NVL: variants seen among roughly 807,000 people sequenced by gnomAD.
The protein encoded by NVL is nuclear valosin-containing protein-like.
In NVL, 84 loss-of-function variants were observed where a neutral mutation model predicts 110.2. The observed-to-expected ratio is 0.76, with a 90% CI of 0.64 to 0.91. NVL has a LOEUF of 0.91. NVL is among the 40% of genes least tolerant of loss of function. The probability of loss-of-function intolerance (pLI) is 0.00; values close to 1 mark genes in which losing one functional copy is unlikely to be tolerated. For synonymous variants in NVL, 354 were observed against 361.1 expected (o/e 0.98, Z 0.22); for missense variants, 882 against 1,035.9 (o/e 0.85, Z 2.04).
intron 2 of NVL, among the ~76,000 whole-genome samples, chr1:224,318,680 C>T (rs1397952859): frequency 6.6e-6 from 1 of 151,350 alleles, no homozygotes; most frequent in African/African-American, 2.4e-5. Context: ...CAGCATGTAT[C>T]TCTTTAAAAA....
In NVL at chr1:224,303,732, T is replaced by C. The variant is rs564467949; in HGVS notation, c.951A>G (p.Ala317=). Residue 317 remains alanine, a synonymous_variant, in exon 9 of 23, where the codon GCA becomes GCG. Coordinates refer to ENST00000281701, the MANE Select transcript of NVL (RefSeq NM_002533.4). ...TGTCAGCAAGCCTCACCCCAGCAAT[T>C]GCATGTGCAAGTAATGTCTTCCCAC... is the stretch of plus-strand genomic sequence containing the variant. ...PGCGKTLLAH[A]IAGELDLPIL... The C allele has an allele frequency of 1.1e-5, 18 of 1,611,910 alleles. 1 individual carries two copies. The South Asian group carries it at 1.3e-4, about 12-fold the overall frequency.
At position 224,294,323 on chromosome 1, in the gene NVL, C is replaced by T. The variant is rs147300158; in HGVS notation, c.1269G>A (p.Ala423=). 1.1e-4 allele frequency: 176 copies of T among 1,614,072 alleles called. 1 individual carries two copies. Among genetic ancestry groups the T allele is most frequent in the Middle Eastern group, 1.6e-4 (1 of 6,062 alleles). The part of the protein sequence containing the change: ...PDSLDPALRR[A]GRFDREICLG... ...GGCATATTTCTCGGTCGAACCTTCC[C>T]GCACGTCTCAAAGCAGGGTCTAACG... The change falls in exon 12 of 23, where the codon GCG becomes GCA. Residue 423 remains alanine, a synonymous_variant. Coordinates refer to ENST00000281701, the MANE Select transcript of NVL (RefSeq NM_002533.4).
chr1:224,266,079 T>A (rs1377200205), intron 18 of NVL, among the ~76,000 whole-genome samples: 1 of 152,222 alleles, frequency 6.6e-6, no homozygotes, highest in Non-Finnish European at 1.5e-5. Context: ...GCATTTTCTG[T>A]CTCACCACTA....
intron 4 of NVL, 91 bp downstream of exon 4, chr1:224,317,603 T>C (rs1670217999): frequency 7.9e-6 from 6 of 755,514 alleles, no homozygotes; most frequent in Non-Finnish European, 1.4e-5. Context: ...AGGGCTTTGT[T>C]GGCAATGAAG....
intron 14 of NVL, 32 bp downstream of exon 14, chr1:224,287,743 T>C (rs1310691814): frequency 5.7e-6 from 9 of 1,574,586 alleles, no homozygotes; most frequent in East Asian, 2.2e-5. Context: ...ATCCATGACA[T>C]GCCAATAATA....
intron 20 of NVL, among the ~76,000 whole-genome samples, chr1:224,233,707 C>G (rs1660156784): frequency 6.6e-6 from 1 of 151,926 alleles, no homozygotes; most frequent in Non-Finnish European, 1.5e-5. Context: ...TGCAATGAGC[C>G]AAGATCGCAC....
chr1:224,246,863 C>T (rs1010201641), intron 19 of NVL, among the ~76,000 whole-genome samples: 1 of 151,820 alleles, frequency 6.6e-6, no homozygotes, highest in Non-Finnish European at 1.5e-5. Context: ...TGGTAAAACC[C>T]CGTCTCTACT....
At chr1:224,231,201 C>T (rs764732801) in intron 22 of NVL, 25 bp downstream of exon 22, 2 of 1,520,734 alleles carry the variant, frequency 1.3e-6, no homozygotes, top group Non-Finnish European at 1.8e-6. Context: ...TTTCCTTTCT[C>T]TATGCATTTA....
In NVL at chr1:224,301,277, G is replaced by GT. The variant is rs970634039; in HGVS notation, c.961-615dup. Among the ~76,000 whole-genome samples the GT allele has an allele frequency of 2.6e-5, 4 of 151,730 alleles. No individual in the cohort carries two copies. The East Asian group carries it at 5.8e-4, about 22-fold the overall frequency. ...TAGGGCTGAGCCAAAGCAATTCTTCGTTTTTTTTGGAGAGACTGTGTCTCA... is the reference window on the plus strand; with the variant it reads ...TAGGGCTGAGCCAAAGCAATTCTTCGTTTTTTTTTGGAGAGACTGTGTCTCA... On this transcript the variant is annotated intron_variant, in intron 9 of 22. Coordinates refer to ENST00000281701, the MANE Select transcript of NVL (RefSeq NM_002533.4).
At position 224,275,328 on chromosome 1, in the gene NVL, A is replaced by C; in HGVS notation, c.2082+11T>G. On this transcript the variant is annotated intron_variant, in intron 17 of 22. Transcript: ENST00000281701. ...AAAAGAATCTGAAAACCACTAGTCC[A>C]TGATACTTACCTCTCGGTCTGATCT... 1 of 1,614,176 alleles carries C rather than the reference A, an allele frequency of 6.2e-7. No individual in the cohort carries two copies. Among genetic ancestry groups the C allele is most frequent in the Non-Finnish European group, 8.5e-7 (1 of 1,180,014 alleles).
chr1:224,262,963 G>A (rs1352433443), intron 18 of NVL, among the ~76,000 whole-genome samples: 1 of 152,188 alleles, frequency 6.6e-6, no homozygotes, highest in African/African-American at 2.4e-5. Context: ...GATGGTGGGA[G>A]TGGAGGGTAT....
intron 10 of NVL, 22 bp downstream of exon 10, chr1:224,300,540 C>A: frequency 1.3e-6 from 2 of 1,558,108 alleles, no homozygotes; most frequent in Non-Finnish European, 1.8e-6. Context: ...GACCACCTGG[C>A]ATTAGTCATT....
chr1:224,266,339 G>A (rs1199408271), intron 18 of NVL, among the ~76,000 whole-genome samples: 7 of 152,120 alleles, frequency 4.6e-5, no homozygotes, highest in Non-Finnish European at 7.3e-5. Context: ...TTTAGCTCAG[G>A]CAGTTGAGAT....
intron 18 of NVL, among the ~76,000 whole-genome samples, chr1:224,256,443 A>AAG (rs1238352235): frequency 6.6e-6 from 1 of 150,480 alleles, no homozygotes; most frequent in East Asian, 1.9e-4. Context: ...AAAAAAAAAA[A>AAG]AAAACCCACA....
chr1:224,310,368 G>A (rs1194938016), intron 5 of NVL, among the ~76,000 whole-genome samples: 3 of 151,890 alleles, frequency 2.0e-5, no homozygotes, highest in East Asian at 3.9e-4. Context: ...GGGGCTCTGG[G>A]GCCAATCCCC....
At chr1:224,315,765 G>A (rs773559737) in intron 4 of NVL, among the ~76,000 whole-genome samples, 4 of 152,190 alleles carry the variant, frequency 2.6e-5, no homozygotes, top group Non-Finnish European at 5.9e-5. Context: ...CAAAGACCTG[G>A]CTTTAGGCAA....
At chr1:224,306,353 G>A (rs1050703229) in intron 6 of NVL, among the ~76,000 whole-genome samples, 2 of 151,936 alleles carry the variant, frequency 1.3e-5, no homozygotes, top group East Asian at 1.9e-4. Context: ...TGCAAGCTCC[G>A]CCTGCCGGGT....
At chr1:224,312,000 C>A in intron 4 of NVL, 143 bp from the exon 5 acceptor site, 1 of 623,614 alleles carries the variant, frequency 1.6e-6, no homozygotes, top group East Asian at 2.8e-5. Flanking sequence ...AACTAGGATT[C>A]AAAATCCAAC....
intron 6 of NVL, among the ~76,000 whole-genome samples, chr1:224,306,968 G>C (rs2001890): frequency 6.6e-6 from 1 of 151,944 alleles, no homozygotes; most frequent in African/African-American, 2.4e-5. Context: ...AAGGGGAAAG[G>C]TTCTGCCAAA....
Sources: gnomAD v4.1 joint callset for allele counts (sites outside exome capture counted in the v4.1 genomes callset) on GRCh38, gnomAD v4.1.1 for gene constraint, MANE v1.5 for transcripts, NCBI Gene and HGNC (gene_info 2026-07-23, HGNC 2026-07-21) for gene names.